Variants in CEP164 observed in about 807,000 individuals in gnomAD.
CEP164 encodes the protein centrosomal protein 164, also known as centrosomal protein of 164 kDa.
In CEP164, 162 loss-of-function variants were observed where a neutral mutation model predicts 182.7. The ratio of observed to expected loss-of-function variants is 0.89; its 90% CI spans 0.78 to 1.01. CEP164 has a LOEUF of 1.01. CEP164 is among the 50% of genes least tolerant of loss of function. The probability of loss-of-function intolerance (pLI) is 0.00; values close to 1 mark genes in which losing one functional copy is unlikely to be tolerated. For missense variants in CEP164, 1,735 were observed against 1,790.4 expected (o/e 0.97, Z 0.56); for synonymous variants, 661 against 690.0 (o/e 0.96, Z 0.66).
intron 27 of CEP164, among the ~76,000 whole-genome samples, chr11:117,405,996 C>T (rs946090620): frequency 7.9e-5 from 12 of 152,240 alleles, no homozygotes; most frequent in Non-Finnish European, 1.5e-4. Context: ...CCCACATTTT[C>T]CTGTCTTCTT....
rs868163339 is a variant in CEP164 at position 117,381,757 on chromosome 11, C to T, written c.1466C>T (p.Ala489Val). ...GCCCAGAGTCCCCCTCGCAGCCTGGCCACTGAAGAAGAGCCTCCCCAGGGC... is the reference window on the plus strand; with the variant it reads ...GCCCAGAGTCCCCCTCGCAGCCTGGTCACTGAAGAAGAGCCTCCCCAGGGC... ...ERAQSPPRSL[A>V]TEEEPPQGPE... The change falls in exon 13 of 33, where the codon GCC becomes GTC. Residue 489 changes from alanine (A) to valine (V), a missense_variant. Ala to Val is a moderately conservative substitution (Grantham distance 64). Coordinates refer to ENST00000278935, the MANE Select transcript of CEP164 (RefSeq NM_014956.5). 1 of 1,608,350 alleles carries T rather than the reference C, an allele frequency of 6.2e-7. No individual in the cohort carries two copies. Among genetic ancestry groups the T allele is most frequent in the South Asian group, 1.1e-5 (1 of 89,750 alleles).
intron 1 of CEP164, among the ~76,000 whole-genome samples, chr11:117,333,005 T>G (rs906388730): frequency 6.6e-6 from 1 of 152,332 alleles, no homozygotes; most frequent in Admixed American, 6.5e-5. Flanking sequence ...ATCTAAGGGC[T>G]GCATTCTCAT....
At chr11:117,328,553 A>C (rs1013205283) in intron 1 of CEP164, among the ~76,000 whole-genome samples, 4 of 151,872 alleles carry the variant, frequency 2.6e-5, no homozygotes, top group Non-Finnish European at 5.9e-5. Context: ...TACTCGGCGC[A>C]CTCCATCTCT....
chr11:117,410,755 G>A (rs75333052), intron 30 of CEP164, 73 bp from the exon 31 acceptor site: 1 of 1,253,180 alleles, frequency 8.0e-7, no homozygotes, highest in East Asian at 2.4e-5. Context: ...TTTATTCTGG[G>A]GAGGCAAGAG....
At chr11:117,334,667 C>T (rs918550455) in intron 1 of CEP164, among the ~76,000 whole-genome samples, 1 of 151,784 alleles carries the variant, frequency 6.6e-6, no homozygotes, top group Non-Finnish European at 1.5e-5. Context: ...TGCCTGTAAT[C>T]CCAGCTACTC....
In CEP164 at chr11:117,409,367, T is replaced by G. The variant is rs2047064812; in HGVS notation, c.3749-251T>G. ...TGACAGAAGGGCCCTCTCCCCTTCC[T>G]TCTCTCTGGGGTCCTGGGCCCTTCA... On this transcript the variant is annotated intron_variant, in intron 29 of 32. Coordinates refer to ENST00000278935, the MANE Select transcript of CEP164 (RefSeq NM_014956.5). The surrounding 1 kb of genome is among the most constrained non-coding windows in gnomAD (Gnocchi z 4.4). 8.7e-6 allele frequency: 5 copies of G among 573,116 alleles called. No individual in the cohort carries two copies. Among genetic ancestry groups the G allele is most frequent in the Non-Finnish European group, 1.5e-5 (5 of 324,412 alleles). The allele number at this position is 573,116 out of a possible 1,614,324, so 35.5% of individuals were successfully genotyped here.
intron 11 of CEP164, among the ~76,000 whole-genome samples, chr11:117,379,041 GA>G (rs1185343435): frequency 6.6e-6 from 1 of 152,186 alleles, no homozygotes; most frequent in East Asian, 1.9e-4. Flanking sequence ...GGAGATATTT[GA>G]TGAGCATGGT....
At chr11:117,380,200 T>C (rs976405750) in intron 11 of CEP164, among the ~76,000 whole-genome samples, 17 of 152,186 alleles carry the variant, frequency 1.1e-4, no homozygotes, top group African/African-American at 4.1e-4. Context: ...AGCACGCTTG[T>C]CATTCACTGG....
chr11:117,364,264 C>A (rs370516390), intron 8 of CEP164, among the ~76,000 whole-genome samples: 7 of 152,184 alleles, frequency 4.6e-5, no homozygotes, highest in Admixed American at 2.6e-4. Context: ...TTTCACAAGT[C>A]TAATATATCA....
At chr11:117,405,383 G>A (rs953240813) in intron 27 of CEP164, among the ~76,000 whole-genome samples, 21 of 152,136 alleles carry the variant, frequency 1.4e-4, no homozygotes, top group Admixed American at 1.3e-3. Context: ...ACAGTCCCTC[G>A]TGTCTTCCCT....
chr11:117,330,009 T>A (rs998457565), intron 1 of CEP164, among the ~76,000 whole-genome samples: 2 of 152,126 alleles, frequency 1.3e-5, no homozygotes, highest in Non-Finnish European at 2.9e-5. Context: ...TTTGTTGTCA[T>A]AATTAATTCT....
intron 2 of CEP164, among the ~76,000 whole-genome samples, chr11:117,337,573 C>G (rs144181524): frequency 4.8e-4 from 72 of 151,422 alleles, no homozygotes; most frequent in African/African-American, 1.7e-3. Flanking sequence ...CTCCTTTCCA[C>G]TTTTCCCCCA....
At chr11:117,339,991 G>A (rs578781) in intron 3 of CEP164, among the ~76,000 whole-genome samples, 34,868 of 151,910 alleles carry the variant, frequency 0.23, 4,147 homozygotes, top group African/African-American at 0.28. Flanking sequence ...AGGTATTCAA[G>A]CTCTAGGGCC....
chr11:117,392,627 G>C lies in CEP164; in HGVS notation c.2493G>C (p.Glu831Asp). Residue 831 changes from glutamate to aspartate, a missense_variant and splice_region_variant, in exon 19 of 33, where the codon GAG becomes GAC. By Grantham distance (45) the Glu-to-Asp change is conservative. Coordinates refer to ENST00000278935, the MANE Select transcript of CEP164 (RefSeq NM_014956.5). ...KSYHVAGYEH[E>D]LSSLLREKRQ... ...ATCACGTGGCTGGGTATGAGCACGA[G>C]GTGAGTGCTGCTCTGTCTTCCACAG... The C allele has an allele frequency of 6.2e-7, 1 of 1,613,782 alleles. No individual in the cohort carries two copies. Among genetic ancestry groups the C allele is most frequent in the South Asian group, 1.1e-5 (1 of 91,038 alleles).
At chr11:117,378,749 G>C (rs2043008153) in intron 11 of CEP164, among the ~76,000 whole-genome samples, 1 of 152,180 alleles carries the variant, frequency 6.6e-6, no homozygotes, top group Non-Finnish European at 1.5e-5. Context: ...GTCCATCTGG[G>C]TATTTCCCCG....
chr11:117,367,357 C>G (rs2041757390), intron 8 of CEP164, among the ~76,000 whole-genome samples: 2 of 152,210 alleles, frequency 1.3e-5, no homozygotes, highest in Admixed American at 6.5e-5. Flanking sequence ...CAAGGTCATT[C>G]ATTTTAATAC....
In CEP164 at chr11:117,411,946, G is replaced by T. The variant is rs760435734; in HGVS notation, c.4286+29G>T. On this transcript the variant is annotated intron_variant, in intron 32 of 32. Coordinates refer to ENST00000278935, the MANE Select transcript of CEP164 (RefSeq NM_014956.5). The surrounding 1 kb of genome is among the most constrained non-coding windows in gnomAD (Gnocchi z 4.4). ...TCCTTTTACCTGGTTCCCAAACTGG[G>T]CTGGGCTGTGGGGACTGTGCTTGTG... 1 of 1,613,372 alleles carries T rather than the reference G, an allele frequency of 6.2e-7. No homozygotes were observed. Among genetic ancestry groups the T allele is most frequent in the Non-Finnish European group, 8.5e-7 (1 of 1,179,672 alleles).
chr11:117,358,213 C>T (rs1267343361), intron 5 of CEP164, among the ~76,000 whole-genome samples: 2 of 152,322 alleles, frequency 1.3e-5, no homozygotes, highest in Non-Finnish European at 2.9e-5. Context: ...GACAACTCCA[C>T]GCATAGCCCC....
rs929231023 is a variant in CEP164 at position 117,360,073 on chromosome 11, C to T, written c.394-1762C>T. On this transcript the variant is annotated intron_variant, in intron 5 of 32. Coordinates refer to ENST00000278935, the MANE Select transcript of CEP164 (RefSeq NM_014956.5). Reference sequence around the variant, plus strand: ...CAAGGCTCCTTTCAGCCACCTTCCTCATCAGTGGAGAGGGGAGAGAGTCCT... The same window carrying T: ...CAAGGCTCCTTTCAGCCACCTTCCTTATCAGTGGAGAGGGGAGAGAGTCCT... Among the ~76,000 whole-genome samples, 4 of 152,216 alleles carry T rather than the reference C, an allele frequency of 2.6e-5. No individual in the cohort carries two copies. In the South Asian group the frequency reaches 6.2e-4, roughly 24 times the overall value.
Sources: allele counts gnomAD v4.1 joint callset (sites outside exome capture counted in the v4.1 genomes callset), GRCh38; gene constraint gnomAD v4.1.1; non-coding constraint Gnocchi (gnomAD v3.1); transcripts MANE v1.5; gene names NCBI Gene and HGNC (gene_info 2026-07-23, HGNC 2026-07-21).